ANKRD30A: variants seen among roughly 807,000 people sequenced by gnomAD.
The protein encoded by ANKRD30A is ankyrin repeat domain 30A.
A neutral mutation model predicts 166.3 loss-of-function variants in ANKRD30A; 170 were observed. The ratio of observed to expected loss-of-function variants is 1.02; its 90% CI spans 0.90 to 1.16. The LOEUF is 1.16. Among genes scored for constraint, ANKRD30A ranks in the 50% most tolerant of loss-of-function variants. ANKRD30A has a pLI of 0.00. For missense variants in ANKRD30A, 1,630 were observed against 1,518.0 expected (o/e 1.07, Z -1.23); for synonymous variants, 564 against 508.9 (o/e 1.11, Z -1.46).
In ANKRD30A at chr10:37,152,107, T is replaced by A; in HGVS notation, c.1693T>A (p.Ser565Thr). The A allele has an allele frequency of 6.2e-7, 1 of 1,608,740 alleles. No homozygotes were observed. The highest frequency in any genetic ancestry group is 8.5e-7 in the Non-Finnish European group (1 of 1,176,626). Residue 565 changes from serine (S) to threonine (T), a missense_variant, in exon 12 of 36, where the codon TCT (serine) becomes ACT (threonine). This residue lies in a region of ANKRD30A where 904 missense variants were observed against 818.5 expected (regional missense o/e 1.10). Coordinates refer to ENST00000361713, the MANE Select transcript of ANKRD30A (RefSeq NM_052997.3). Reference protein sequence around the residue: ...ESKQKDYEENSWDSESLCETV... With the variant: ...ESKQKDYEENTWDSESLCETV... ...CAAACAAAAGGACTATGAAGAAAAT[T>A]CTTGGGATTCTGAGGTACTATGTGT...
intron 15 of ANKRD30A, among the ~76,000 whole-genome samples, chr10:37,158,871 C>T (rs1032389522): frequency 2.2e-4 from 33 of 152,070 alleles, no homozygotes; most frequent in African/African-American, 4.3e-4. Flanking sequence ...GGTTTTAAGG[C>T]AGGTGAATTT....
At chr10:37,228,672 G>A (rs1843274183) in intron 34 of ANKRD30A, among the ~76,000 whole-genome samples, 1 of 151,866 alleles carries the variant, frequency 6.6e-6, no homozygotes, top group Admixed American at 6.6e-5. Flanking sequence ...CTAGTAATAA[G>A]AATTTTTAAT....
intron 12 of ANKRD30A, among the ~76,000 whole-genome samples, chr10:37,153,058 G>A (rs17606089): frequency 5.9e-5 from 9 of 152,156 alleles, no homozygotes; most frequent in Non-Finnish European, 8.8e-5. Context: ...TTACCGAAAG[G>A]AAGCAGCTTT....
chr10:37,161,088 C>G (rs1334674111), intron 15 of ANKRD30A, among the ~76,000 whole-genome samples: 1 of 152,144 alleles, frequency 6.6e-6, no homozygotes, highest in South Asian at 2.1e-4. Flanking sequence ...CCTGTCTCTA[C>G]TAAAAATACA....
chr10:37,259,383 G>T, the ANKRD30A span, among the ~76,000 whole-genome samples: 7 of 152,178 alleles, frequency 4.6e-5, no homozygotes, highest in Admixed American at 4.6e-4. Context: ...TGACAGCAAG[G>T]ATATGGAACA....
intron 15 of ANKRD30A, among the ~76,000 whole-genome samples, chr10:37,160,635 C>G (rs953451631): frequency 6.6e-6 from 1 of 152,002 alleles, no homozygotes; most frequent in Non-Finnish European, 1.5e-5. Context: ...ATAAATCAAA[C>G]AAAATCAAAA....
At chr10:37,172,273 G>C (rs1271947589) in intron 21 of ANKRD30A, among the ~76,000 whole-genome samples, 182 of 111,998 alleles carry the variant, frequency 1.6e-3, no homozygotes, top group African/African-American at 5.3e-3. Flanking sequence ...AGCTTGGTCT[G>C]AGTAGCAAAA....
chr10:37,197,615 T>C lies in ANKRD30A; in HGVS notation c.2716+135T>C, dbSNP rs1385301357. ...ATCTAGGTAATGCCAATACTGGTAT[T>C]GATGTTTGAAAAGCTGGTATTACAA... On this transcript the variant is annotated intron_variant, in intron 29 of 35. Coordinates refer to ENST00000361713, the MANE Select transcript of ANKRD30A (RefSeq NM_052997.3). The C allele has an allele frequency of 3.5e-5, 48 of 1,372,986 alleles. No homozygotes were observed. The East Asian group carries it at 1.1e-3, about 32-fold the overall frequency. The allele number at this position is 1,372,986 out of a possible 1,614,324, so 85.1% of individuals were successfully genotyped here.
chr10:37,241,015 G>A, the ANKRD30A span: 1 of 151,946 alleles, frequency 6.6e-6, no homozygotes, highest in Admixed American at 6.6e-5. Flanking sequence ...GCACAACTAC[G>A]GGTGAGTTTT....
intron 5 of ANKRD30A, chr10:37,135,489 G>A (rs1189215536): frequency 6.6e-6 from 1 of 152,180 alleles, no homozygotes; most frequent in Non-Finnish European, 1.5e-5. Flanking sequence ...ATGAGATTTG[G>A]TGAGTAACAC....
the ANKRD30A span, among the ~76,000 whole-genome samples, chr10:37,260,501 G>A: frequency 5.9e-5 from 9 of 152,256 alleles, no homozygotes; most frequent in South Asian, 6.2e-4. Flanking sequence ...TTGCTTTTAT[G>A]ATTAATCTTC....
At chr10:37,146,346 TA>T (rs1837511689) in intron 8 of ANKRD30A, among the ~76,000 whole-genome samples, 1 of 152,278 alleles carries the variant, frequency 6.6e-6, no homozygotes, top group Non-Finnish European at 1.5e-5. Context: ...GAGTGCACTT[TA>T]TATGACTTAT....
rs1837149567 is a variant in ANKRD30A at position 37,141,828 on chromosome 10, G to A, written c.931G>A (p.Glu311Lys). The part of the protein sequence containing the change: ...KTPDEAAPLV[E>K]RTPDTAESLV... ...ACCTGATGAGGCTGCACCCTTGGTG[G>A]AAAGAACACCTGACACGGCTGAAAG... The change falls in exon 7 of 36, where the codon GAA (glutamate) becomes AAA (lysine). Residue 311 changes from glutamate to lysine, a missense_variant. This residue lies in a region of ANKRD30A where 904 missense variants were observed against 818.5 expected (regional missense o/e 1.10). Coordinates refer to ENST00000361713, the MANE Select transcript of ANKRD30A (RefSeq NM_052997.3). 1 of 1,611,366 alleles carries A rather than the reference G, an allele frequency of 6.2e-7. No homozygotes were observed. The highest frequency in any genetic ancestry group is 8.5e-7 in the Non-Finnish European group (1 of 1,179,248).
chr10:37,194,593 T>C (rs560724542), intron 27 of ANKRD30A, among the ~76,000 whole-genome samples: 2 of 152,162 alleles, frequency 1.3e-5, no homozygotes, highest in Non-Finnish European at 2.9e-5. Flanking sequence ...GATGCGCCCG[T>C]CTCGGCCTCC....
At chr10:37,213,536 T>C (rs1842446391) in intron 31 of ANKRD30A, among the ~76,000 whole-genome samples, 1 of 150,258 alleles carries the variant, frequency 6.7e-6, no homozygotes, top group African/African-American at 2.4e-5. Flanking sequence ...TTCCACTGAG[T>C]TTACTTTTTT....
chr10:37,256,946 G>C, the ANKRD30A span, among the ~76,000 whole-genome samples: 2 of 152,108 alleles, frequency 1.3e-5, no homozygotes, highest in South Asian at 4.2e-4. Flanking sequence ...TCTTTTGTTT[G>C]GAATAGTTTC....
chr10:37,155,357 A>G (rs1200885), intron 13 of ANKRD30A, among the ~76,000 whole-genome samples: 85,874 of 151,958 alleles, frequency 0.57, 24,821 homozygotes, highest in African/African-American at 0.64. Flanking sequence ...ATATGGTTAT[A>G]AAAATCAATG....
chr10:37,203,636 G>T (rs1282054614), intron 31 of ANKRD30A, among the ~76,000 whole-genome samples: 1 of 152,098 alleles, frequency 6.6e-6, no homozygotes, highest in African/African-American at 2.4e-5. Context: ...TTCTGGCCAG[G>T]GCAATCACAC....
At chr10:37,171,465 CAT>C (rs1839557144) in intron 21 of ANKRD30A, among the ~76,000 whole-genome samples, 2 of 150,836 alleles carry the variant, frequency 1.3e-5, no homozygotes. Flanking sequence ...GACATTGTGA[CAT>C]GTCATGAGTC....
Sources: allele counts gnomAD v4.1 joint callset (sites outside exome capture counted in the v4.1 genomes callset), GRCh38; gene constraint gnomAD v4.1.1; regional missense constraint gnomAD v4.1.1; transcripts MANE v1.5; gene names NCBI Gene and HGNC (gene_info 2026-07-23, HGNC 2026-07-21).